MMP16: variants seen among roughly 807,000 people sequenced by gnomAD.
MMP16 encodes matrix metallopeptidase 16, also known as matrix metalloproteinase-16.
Under a neutral mutation model 67.8 loss-of-function variants are expected in MMP16, and 12 were observed. The ratio of observed to expected loss-of-function variants is 0.18; its 90% CI spans 0.11 to 0.29. The LOEUF (loss-of-function observed/expected upper bound fraction) is 0.29. MMP16 is among the 10% of genes least tolerant of loss of function. The pLI is 1.00. For missense variants in MMP16, 475 were observed against 765.7 expected (o/e 0.62, Z 4.48); for synonymous variants, 249 against 255.9 (o/e 0.97, Z 0.26).
intron 1 of MMP16, among the ~76,000 whole-genome samples, chr8:88,241,744 T>C (rs1194508253): frequency 6.6e-6 from 1 of 152,062 alleles, no homozygotes; most frequent in Non-Finnish European, 1.5e-5. Context: ...ATTGTATATA[T>C]TTATGAAGTA....
chr8:88,148,837 T>C (rs1024960375), intron 4 of MMP16, among the ~76,000 whole-genome samples: 3 of 152,130 alleles, frequency 2.0e-5, no homozygotes, highest in Admixed American at 6.5e-5. Flanking sequence ...GTATCAGAAA[T>C]ACGTGTATTA....
intron 6 of MMP16, among the ~76,000 whole-genome samples, chr8:88,108,159 G>A (rs1236486114): frequency 6.6e-6 from 1 of 151,194 alleles, no homozygotes; most frequent in African/African-American, 2.4e-5. Context: ...GATTTAAACT[G>A]AAAAACATTC....
chr8:88,131,146 G>T (rs1283474306), intron 4 of MMP16, among the ~76,000 whole-genome samples: 2 of 151,608 alleles, frequency 1.3e-5, no homozygotes, highest in Non-Finnish European at 2.9e-5. Context: ...AGCGCTTTTA[G>T]AAATAAAGGC....
chr8:88,086,761 A>C (rs532224771), intron 6 of MMP16, among the ~76,000 whole-genome samples: 1 of 152,008 alleles, frequency 6.6e-6, no homozygotes, highest in African/African-American at 2.4e-5. Flanking sequence ...ACCCAAGCTA[A>C]AGTTGTCTCT....
intron 1 of MMP16, among the ~76,000 whole-genome samples, chr8:88,298,212 G>A (rs1811041449): frequency 6.6e-6 from 1 of 152,162 alleles, no homozygotes; most frequent in Non-Finnish European, 1.5e-5. Context: ...AGTACGTTCA[G>A]TTAAAACTAA....
At chr8:88,163,042 C>G (rs184015901) in intron 4 of MMP16, among the ~76,000 whole-genome samples, 1 of 152,062 alleles carries the variant, frequency 6.6e-6, no homozygotes, top group Non-Finnish European at 1.5e-5. Context: ...CATTATATAG[C>G]AGTGCAGCTG....
In MMP16 at chr8:88,041,847, A is replaced by G. The variant is rs1326254348; in HGVS notation, c.1490-52T>C. ...AGGTACCACTTATTTGTGACAGTGT[A>G]TATGTAGAGAAATGTTACTAAAATA... On this transcript the variant is annotated intron_variant, in intron 9 of 9. Transcript: ENST00000286614. This position sits in a 1 kb window ranked among gnomAD's most constrained non-coding sequence, Gnocchi z 6.0. The G allele has an allele frequency of 2.2e-6, 3 of 1,339,044 alleles. No homozygotes were observed. Among genetic ancestry groups the G allele is most frequent in the Non-Finnish European group, 2.1e-6 (2 of 963,938 alleles). 82.9% of individuals were successfully genotyped at this position (1,339,044 alleles called of 1,614,324 possible). A position where few individuals can be genotyped will look rare whatever the true frequency, so the allele number is the denominator to read the frequency against.
intron 1 of MMP16, among the ~76,000 whole-genome samples, chr8:88,318,964 A>G (rs1193010349): frequency 2.0e-5 from 3 of 152,170 alleles, no homozygotes; most frequent in Non-Finnish European, 2.9e-5. Flanking sequence ...CTGAGACACC[A>G]TGTTATTCCT....
chr8:88,052,515 A>G (rs564013537), intron 8 of MMP16, among the ~76,000 whole-genome samples: 15 of 152,276 alleles, frequency 9.9e-5, no homozygotes. Flanking sequence ...CATTCTTCAC[A>G]TAGAAGCCAG....
intron 1 of MMP16, among the ~76,000 whole-genome samples, chr8:88,221,307 C>T (rs924687087): frequency 6.6e-6 from 1 of 152,104 alleles, no homozygotes; most frequent in African/African-American, 2.4e-5. Flanking sequence ...ATGGTGAAAT[C>T]TGAAAGTACA....
At chr8:88,121,071 G>GT (rs397974015) in intron 4 of MMP16, among the ~76,000 whole-genome samples, 36,437 of 137,686 alleles carry the variant, frequency 0.26, 4,744 homozygotes, top group African/African-American at 0.33. Flanking sequence ...CTTGCTCTCA[G>GT]TTTTTTTTTT....
chr8:88,137,272 G>C (rs1314418500), intron 4 of MMP16, among the ~76,000 whole-genome samples: 1 of 151,776 alleles, frequency 6.6e-6, no homozygotes, highest in Non-Finnish European at 1.5e-5. Context: ...GGACTGTAAA[G>C]GGTCTGAGAC....
intron 1 of MMP16, among the ~76,000 whole-genome samples, chr8:88,202,394 T>C (rs2129794480): frequency 6.6e-6 from 1 of 152,244 alleles, no homozygotes. Flanking sequence ...GGAGAGGTTT[T>C]CCAATCTGCA....
chr8:88,092,751 T>C (rs28906391), intron 6 of MMP16, among the ~76,000 whole-genome samples: 23,575 of 151,928 alleles, frequency 0.16, 1,941 homozygotes, highest in Admixed American at 0.19. Context: ...CATTGACTTT[T>C]CTTTCCCAAT....
At chr8:88,072,282 A>T (rs893070641) in intron 7 of MMP16, among the ~76,000 whole-genome samples, 1 of 152,112 alleles carries the variant, frequency 6.6e-6, no homozygotes, top group African/African-American at 2.4e-5. Context: ...TCAGAAGCCC[A>T]GGGTGCTAGG....
Position 88,295,690 on chromosome 8 carries a change from T to C in MMP16, c.132+31385A>G, listed in dbSNP as rs556262911. 7.2e-5 allele frequency among the ~76,000 whole-genome samples: 11 copies of C among 152,318 alleles called. 1 individual carries two copies. The South Asian group carries it at 2.3e-3, about 32-fold the overall frequency. On this transcript the variant is annotated intron_variant, in intron 1 of 9. Transcript: ENST00000286614. ...CAAATCTAATAAACATGGTGGTTTC[T>C]GGAAAGAATTCAGAAATGTTCTCCA...
intron 4 of MMP16, among the ~76,000 whole-genome samples, chr8:88,149,345 G>A (rs1221907204): frequency 1.3e-5 from 2 of 152,138 alleles, no homozygotes; most frequent in Non-Finnish European, 2.9e-5. Context: ...ACCTCGAACT[G>A]GGTGGAGCCC....
intron 6 of MMP16, among the ~76,000 whole-genome samples, chr8:88,105,785 G>T (rs988673468): frequency 6.6e-6 from 1 of 151,122 alleles, no homozygotes; most frequent in African/African-American, 2.4e-5. Flanking sequence ...TAAAGACACA[G>T]ATGCATCATT....
At chr8:88,042,011 C>T (rs1156311728) in intron 9 of MMP16, among the ~76,000 whole-genome samples, 2 of 152,180 alleles carry the variant, frequency 1.3e-5, no homozygotes, top group Non-Finnish European at 2.9e-5. Flanking sequence ...ATGGAAAGCT[C>T]AGTCCAGAGA....
Sources: allele counts gnomAD v4.1 joint callset (sites outside exome capture counted in the v4.1 genomes callset), GRCh38; gene constraint gnomAD v4.1.1; non-coding constraint Gnocchi (gnomAD v3.1); transcripts MANE v1.5; gene names NCBI Gene and HGNC (gene_info 2026-07-23, HGNC 2026-07-21).